Variants in PIM2 observed in about 807,000 individuals in gnomAD.
PIM2 encodes Pim-2 proto-oncogene, serine/threonine kinase, also known as serine/threonine-protein kinase pim-2.
A neutral mutation model predicts 18.0 loss-of-function variants in PIM2; 3 were observed. The observed-to-expected ratio is 0.17, with a 90% CI of 0.08 to 0.43. The LOEUF (loss-of-function observed/expected upper bound fraction) is 0.43. PIM2 is among the 20% of genes least tolerant of loss of function. PIM2 has a pLI of 0.99. For synonymous variants in PIM2, 117 were observed against 105.3 expected (o/e 1.11, Z -0.68); for missense variants, 181 against 260.8 (o/e 0.69, Z 2.11).
intron 3 of PIM2, 109 bp downstream of exon 3, chrX:48,917,672 A>G (rs2063566906): frequency 1.8e-6 from 1 of 561,212 alleles, no homozygotes; most frequent in African/African-American, 2.3e-5. Context: ...GGCTGGCAGT[A>G]TTCTCACTGT....
chrX:48,914,638 A>T (rs984021279), intron 4 of PIM2, 67 bp from the exon 5 acceptor site: 30 of 976,700 alleles, frequency 3.1e-5, no homozygotes, highest in Non-Finnish European at 4.1e-5. Flanking sequence ...CAAACTCTCC[A>T]GGAAGGATGG....
intron 3 of PIM2, among the ~76,000 whole-genome samples, chrX:48,917,123 C>A (rs901641986): frequency 9.1e-6 from 1 of 109,528 alleles, no homozygotes; most frequent in African/African-American, 3.3e-5. Flanking sequence ...TCACCTCACT[C>A]CAGCCTGGGC....
At chrX:48,916,470 G>T (rs940791689) in intron 3 of PIM2, among the ~76,000 whole-genome samples, 1 of 112,499 alleles carries the variant, frequency 8.9e-6, no homozygotes, top group African/African-American at 3.2e-5. Flanking sequence ...CCAGCACTTT[G>T]GGAGGCCGAG....
chrX:48,917,225 G>A (rs782665092), intron 3 of PIM2, among the ~76,000 whole-genome samples: 1 of 111,272 alleles, frequency 9.0e-6, no homozygotes. Context: ...GCCCTGCGCA[G>A]GTACACTTCG....
Position 48,914,360 on chromosome X carries a change from TG to T in PIM2, c.772+34del, listed in dbSNP as rs781884197. The T allele has an allele frequency of 4.1e-6, 5 of 1,207,386 alleles. No homozygotes were observed. The African/African-American group carries it at 8.8e-5, about 21-fold the overall frequency. ...AGGGGGTACTGGTCCCTGAGAAGGA[TG>T]GAGTCTTCTGGGCTGGGGTCAGTGA... On this transcript the variant is annotated intron_variant, in intron 5 of 5. Transcript: ENST00000376509.
At position 48,914,079 on chromosome X, in the gene PIM2, G is replaced by T; in HGVS notation, c.*52C>A. ...AATGTCCATCTATCCCTGTGACATG[G>T]CCATGGGATGGCTCTTCTGACCATT... On this transcript the variant is annotated 3_prime_UTR_variant, in exon 6 of 6. Transcript: ENST00000376509. 2.6e-6 allele frequency: 2 copies of T among 761,567 alleles called. No homozygotes were observed. The highest frequency in any genetic ancestry group is 3.8e-6 in the Non-Finnish European group (2 of 532,417). 62.8% of individuals were successfully genotyped at this position (761,567 alleles called of 1,213,427 possible). A position where few individuals can be genotyped will look rare whatever the true frequency, so the allele number is the denominator to read the frequency against.
Position 48,918,795 on chromosome X carries a change from CG to C in PIM2, c.39del (p.Thr15ProfsTer48), listed in dbSNP as rs782496935. 1 of 1,193,490 alleles carries C rather than the reference CG, an allele frequency of 8.4e-7. No individual in the cohort carries two copies. The highest frequency in any genetic ancestry group is 1.1e-6 in the Non-Finnish European group (1 of 889,563). On this transcript the variant is annotated frameshift_variant, in exon 1 of 6. Coordinates refer to ENST00000376509, the MANE Select transcript of PIM2 (RefSeq NM_006875.4). LOFTEE classifies it high-confidence loss of function. ...TKPLQGPPAPPGTPTPPPGGK... is the reference protein window; with the variant it reads ...TKPLQGPPAPXGTPTPPPGGK... The stretch of plus-strand genomic sequence containing the variant: ...TCACCTGGCGGCGGCGTGGGGGTCC[CG>C]GGGGGCGCGGGAGGCCCCTGTAGAG...
chrX:48,916,792 G>T (rs1463100814), intron 3 of PIM2, among the ~76,000 whole-genome samples: 1 of 109,501 alleles, frequency 9.1e-6, no homozygotes, highest in Non-Finnish European at 1.9e-5. Context: ...AGGCTGCAGT[G>T]AGCTGAGATC....
chrX:48,918,094 C>A (rs1450478778), intron 2 of PIM2, among the ~76,000 whole-genome samples: 2 of 109,602 alleles, frequency 1.8e-5, no homozygotes, highest in Non-Finnish European at 3.8e-5. Context: ...GTCCTGAGTT[C>A]TAGATTTCCT....
intron 2 of PIM2, among the ~76,000 whole-genome samples, chrX:48,918,306 C>T (rs781880440): frequency 1.3e-5 from 1 of 75,043 alleles, no homozygotes; most frequent in East Asian, 5.4e-4. Context: ...CTGCCCCCCC[C>T]CCCCGCCCAT....
rs1176005657 is a variant in PIM2 at position 48,918,858 on chromosome X, G to T, written c.-24C>A. The T allele has an allele frequency of 1.7e-6, 2 of 1,184,678 alleles. No individual in the cohort carries two copies. Among genetic ancestry groups the T allele is most frequent in the African/African-American group, 1.8e-5 (1 of 56,793 alleles). ...ATGGAGGTGGCGCTGCGCAGATTGAGCCCACTGAACCCGCTAAGCCCGCAG... is the reference window on the plus strand; with the variant it reads ...ATGGAGGTGGCGCTGCGCAGATTGATCCCACTGAACCCGCTAAGCCCGCAG... On this transcript the variant is annotated 5_prime_UTR_variant, in exon 1 of 6. Transcript: ENST00000376509.
chrX:48,916,851 GA>G (rs781867162), intron 3 of PIM2, among the ~76,000 whole-genome samples: 10 of 96,102 alleles, frequency 1.0e-4, no homozygotes, highest in Admixed American at 3.4e-4. Flanking sequence ...CCGTCTCAAG[GA>G]AAAAAAAAAG....
At position 48,915,314 on chromosome X, in the gene PIM2, G is replaced by A. The variant is rs782370149; in HGVS notation, c.301C>T (p.Arg101Cys). ...TGTGTCTCAAACCAGTCAAGCAGGC[G>A]GATCACGCCAGGGTGCCCACCACCT... Reference protein sequence around the residue: ...GAGGGHPGVIRLLDWFETQEG... With the variant: ...GAGGGHPGVICLLDWFETQEG... Residue 101 changes from arginine to cysteine, a missense_variant, in exon 4 of 6, where the codon CGC (arginine) becomes TGC (cysteine). Around this residue, in one of 5 missense-constraint regions of PIM2, gnomAD observed 104 missense variants for 125.3 expected, o/e 0.83. Transcript: ENST00000376509. 8.3e-6 allele frequency: 10 copies of A among 1,211,004 alleles called. No individual in the cohort carries two copies. Among genetic ancestry groups the A allele is most frequent in the South Asian group, 3.5e-5 (2 of 56,861 alleles).
Position 48,915,110 on chromosome X carries a change from T to C in PIM2, c.505A>G (p.Ile169Val), listed in dbSNP as rs2063559346. ...CAGCCACGGCGTAGGTCTATCAGGA[T>C]GTTCTCATCCTTGATGTCACGATGG... The part of the protein sequence containing the change: ...VVHRDIKDEN[I>V]LIDLRRGCAK... Residue 169 changes from isoleucine to valine, a missense_variant, in exon 4 of 6, where the codon ATC (isoleucine) becomes GTC (valine). Coordinates refer to ENST00000376509, the MANE Select transcript of PIM2 (RefSeq NM_006875.4). 1.7e-6 allele frequency: 2 copies of C among 1,210,564 alleles called. No individual in the cohort carries two copies. The highest frequency in any genetic ancestry group is 3.5e-5 in the African/African-American group (2 of 57,422).
rs782369364 is a variant in PIM2, at chrX:48,914,277, G to A, written c.790C>T (p.Arg264Cys). ...GAAGGTTTGGGGGCCAGGCACCGGC[G>A]GATTAGGGCACAGCAGTCTGTAGGC... ...HVSPDCCALI[R>C]RCLAPKPSSR... Residue 264 changes from arginine to cysteine, a missense_variant, in exon 6 of 6, where the codon CGC becomes TGC. Physicochemically the swap from Arg to Cys is radical, Grantham distance 180. Transcript: ENST00000376509. The A allele has an allele frequency of 8.3e-7, 1 of 1,210,111 alleles. No homozygotes were observed. The highest frequency in any genetic ancestry group is 1.8e-5 in the South Asian group (1 of 56,749).
chrX:48,918,898 G>A lies in PIM2; in HGVS notation c.-64C>T. On this transcript the variant is annotated 5_prime_UTR_variant, in exon 1 of 6. Coordinates refer to ENST00000376509, the MANE Select transcript of PIM2 (RefSeq NM_006875.4). ...TAAGCCCGCAGGGCGTGGACGCCCG[G>A]GGCAGCGCAGCTGGGGAGCCAGGGC... 2 of 1,009,089 alleles carry A rather than the reference G, an allele frequency of 2.0e-6. No homozygotes were observed. Among genetic ancestry groups the A allele is most frequent in the African/African-American group, 1.9e-5 (1 of 52,254 alleles). The allele number at this position is 1,009,089 out of a possible 1,213,427, so 83.2% of individuals were successfully genotyped here. A position where few individuals can be genotyped will look rare whatever the true frequency, so the allele number is the denominator to read the frequency against.
intron 1 of PIM2, 62 bp from the exon 2 acceptor site, chrX:48,918,707 C>A: frequency 8.9e-7 from 1 of 1,126,450 alleles, no homozygotes; most frequent in South Asian, 1.9e-5. Context: ...ACGACTCCCT[C>A]CCCCCGCGCT....
At position 48,915,378 on chromosome X, in the gene PIM2, T is replaced by C. The variant is rs1185941060; in HGVS notation, c.237A>G (p.Thr79=). The change falls in exon 4 of 6, where the codon ACA becomes ACG. Residue 79 remains threonine (T), a synonymous_variant. Transcript: ENST00000376509. ...LGWSPLSDSV[T]CPLEVALLWK... ...ATAGCAGTGCGACTTCGAGTGGGCATGTGACTGAGTCTGACTGGGGGCACA... is the reference window on the plus strand; with the variant it reads ...ATAGCAGTGCGACTTCGAGTGGGCACGTGACTGAGTCTGACTGGGGGCACA... 2 of 1,202,553 alleles carry C rather than the reference T, an allele frequency of 1.7e-6. No homozygotes were observed. Among genetic ancestry groups the C allele is most frequent in the African/African-American group, 3.5e-5 (2 of 57,204 alleles).
At chrX:48,914,941 C>T in intron 4 of PIM2, 79 bp downstream of exon 4, 1 of 910,342 alleles carries the variant, frequency 1.1e-6, no homozygotes, top group East Asian at 3.1e-5. Flanking sequence ...GATTACAGGA[C>T]ACCCCACCAC....
Sources: gnomAD v4.1 joint callset for allele counts (sites outside exome capture counted in the v4.1 genomes callset) on GRCh38, gnomAD v4.1.1 for gene constraint, gnomAD v4.1.1 regional missense constraint, MANE v1.5 for transcripts, NCBI Gene and HGNC (gene_info 2026-07-23, HGNC 2026-07-21) for gene names.